The following SLC13A1 variants were observed in gnomAD, a reference collection of about 807,000 sequenced individuals.
SLC13A1 encodes the protein Na(+)/sulfate cotransporter.
SLC13A1 carries 65 observed loss-of-function variants against 70.0 expected under a neutral mutation model. The ratio of observed to expected loss-of-function variants is 0.93; its 90% confidence interval spans 0.76 to 1.14. The LOEUF (loss-of-function observed/expected upper bound fraction) is 1.14, where lower values mean the gene tolerates loss of function less well. Among genes scored for constraint, SLC13A1 ranks in the 50% most tolerant of loss-of-function variants. The pLI, the probability that SLC13A1 is intolerant of heterozygous loss-of-function variation, is 0.00. For missense variants in SLC13A1, 726 were observed against 717.8 expected (o/e 1.01, Z -0.13); for synonymous variants, 275 against 250.5 (o/e 1.10, Z -0.92).
At chr7:123,128,063 G>T (rs1202839714) in intron 10 of SLC13A1, among the ~76,000 whole-genome samples, 1 of 151,688 alleles carries the variant, frequency 6.6e-6, no homozygotes, top group Non-Finnish European at 1.5e-5. Flanking sequence ...TTGATTACTG[G>T]TATATAAGAC....
At chr7:123,186,481 C>T (rs1290270564) in intron 1 of SLC13A1, among the ~76,000 whole-genome samples, 1 of 152,082 alleles carries the variant, frequency 6.6e-6, no homozygotes, top group Non-Finnish European at 1.5e-5. Context: ...TCTTTGTCTC[C>T]TGTAAATTTC....
At chr7:123,138,879 T>C (rs1310281055) in intron 7 of SLC13A1, among the ~76,000 whole-genome samples, 1 of 152,152 alleles carries the variant, frequency 6.6e-6, no homozygotes, top group Non-Finnish European at 1.5e-5. Context: ...CTATTCATGT[T>C]GTTGATTGTT....
At chr7:123,156,719 T>G (rs1794728876) in intron 6 of SLC13A1, among the ~76,000 whole-genome samples, 1 of 152,164 alleles carries the variant, frequency 6.6e-6, no homozygotes. Flanking sequence ...CTGATCACAA[T>G]AGTTGATCCC....
intron 1 of SLC13A1, chr7:123,186,824 A>G (rs1368522783): frequency 2.3e-6 from 1 of 444,318 alleles, no homozygotes; most frequent in African/African-American, 2.0e-5. Context: ...TCTTAAACTG[A>G]ATGATAGCAA....
intron 6 of SLC13A1, among the ~76,000 whole-genome samples, chr7:123,165,018 A>G (rs945361925): frequency 3.2e-4 from 48 of 152,230 alleles, no homozygotes; most frequent in African/African-American, 1.1e-3. Context: ...AAGATTATGA[A>G]TATAAATATT....
intron 1 of SLC13A1, among the ~76,000 whole-genome samples, chr7:123,195,723 T>C (rs1796156867): frequency 6.6e-6 from 1 of 152,018 alleles, no homozygotes; most frequent in Non-Finnish European, 1.5e-5. Flanking sequence ...ATATAAAATA[T>C]TTTCTAGAGA....
At chr7:123,126,216 A>G (rs10487980) in intron 10 of SLC13A1, among the ~76,000 whole-genome samples, 42,378 of 152,114 alleles carry the variant, frequency 0.28, 5,947 homozygotes, top group East Asian at 0.31. Context: ...ATAAGCTCTA[A>G]CCATATCATA....
intron 7 of SLC13A1, among the ~76,000 whole-genome samples, chr7:123,136,244 G>T (rs1006613551): frequency 3.3e-5 from 5 of 152,168 alleles, no homozygotes; most frequent in African/African-American, 1.2e-4. Context: ...GGGCTTTTCA[G>T]AATTTTTGCC....
At position 123,129,412 on chromosome 7, in the gene SLC13A1, C is replaced by T; in HGVS notation, c.1002G>A (p.Lys334=). Residue 334 remains lysine, a synonymous_variant, in exon 9 of 15, where the codon AAG becomes AAA. Transcript: ENST00000194130. ...TTGGCCCAAGCTTTTGGTATTCTTGCTTAATCACCTCAGCACAAGCTTTTT... is the reference window on the plus strand; with the variant it reads ...TTGGCCCAAGCTTTTGGTATTCTTGTTTAATCACCTCAGCACAAGCTTTTT... ...VQQKACAEVI[K]QEYQKLGPIR... The T allele has an allele frequency of 6.3e-7, 1 of 1,596,184 alleles. No homozygotes were observed. Among genetic ancestry groups the T allele is most frequent in the East Asian group, 2.3e-5 (1 of 44,288 alleles).
At chr7:123,193,085 A>G (rs1413496721) in intron 1 of SLC13A1, among the ~76,000 whole-genome samples, 1 of 152,140 alleles carries the variant, frequency 6.6e-6, no homozygotes, top group Non-Finnish European at 1.5e-5. Flanking sequence ...GGAAAAAGGT[A>G]CAGAAATAAT....
At chr7:123,161,967 A>G (rs1195585440) in intron 6 of SLC13A1, among the ~76,000 whole-genome samples, 8 of 151,756 alleles carry the variant, frequency 5.3e-5, no homozygotes, top group African/African-American at 1.9e-4. Flanking sequence ...ACAGGCATAT[A>G]TGCATGAAAT....
intron 6 of SLC13A1, among the ~76,000 whole-genome samples, chr7:123,147,609 G>A (rs1054233059): frequency 2.0e-5 from 3 of 152,046 alleles, no homozygotes; most frequent in African/African-American, 7.2e-5. Context: ...AATGCCAGGA[G>A]AGAGCCCTCA....
chr7:123,136,503 C>A (rs1199735044), intron 7 of SLC13A1, among the ~76,000 whole-genome samples: 1 of 152,162 alleles, frequency 6.6e-6, no homozygotes, highest in Admixed American at 6.5e-5. Context: ...AGTGAAGAGA[C>A]TTCAAACATG....
In SLC13A1 at chr7:123,166,543, C is replaced by A. The variant is rs182731114; in HGVS notation, c.660+1831G>T. 6.1e-3 allele frequency among the ~76,000 whole-genome samples: 921 copies of A among 151,986 alleles called. 7 individuals carry two copies. The highest frequency in any genetic ancestry group is 0.021 in the African/African-American group (860 of 41,308). On this transcript the variant is annotated intron_variant, in intron 6 of 14. Coordinates refer to ENST00000194130, the MANE Select transcript of SLC13A1 (RefSeq NM_022444.4). ...ATATCTCCTAATGCTATCCGTCCCC[C>A]CTTCCCCCACCACACAACAGGCCCC...
chr7:123,191,074 G>C (rs1008921242), intron 1 of SLC13A1, among the ~76,000 whole-genome samples: 1 of 151,746 alleles, frequency 6.6e-6, no homozygotes, highest in Non-Finnish European at 1.5e-5. Flanking sequence ...CTTTATTCTT[G>C]TGTTTTCTTC....
Position 123,119,216 on chromosome 7 carries a change from T to A in SLC13A1, c.1377A>T (p.Gly459=). Residue 459 remains glycine (G), a synonymous_variant, in exon 13 of 15, where the codon GGA becomes GGT. Coordinates refer to ENST00000194130, the MANE Select transcript of SLC13A1 (RefSeq NM_022444.4). ...ATGAACCCAGAGGAGATAATTTATT[T>A]CCTATCCACTTAGATAATCCAGACT... The part of the protein sequence containing the change: ...CEESGLSKWI[G]NKLSPLGSLP... The A allele has an allele frequency of 1.2e-6, 2 of 1,610,664 alleles. No homozygotes were observed. The highest frequency in any genetic ancestry group is 1.7e-6 in the Non-Finnish European group (2 of 1,178,088).
rs1793873836 is a variant in SLC13A1 at position 123,134,290 on chromosome 7, A to G, written c.932+120T>C. On this transcript the variant is annotated intron_variant, in intron 8 of 14. Transcript: ENST00000194130. Reference sequence around the variant, plus strand: ...CGTATTTGTGTGTATTAATTTTGTGAGCAACAAAAATGCAGAAAGGTAGCC... The same window carrying G: ...CGTATTTGTGTGTATTAATTTTGTGGGCAACAAAAATGCAGAAAGGTAGCC... The G allele has an allele frequency of 1.4e-5, 12 of 832,090 alleles. No individual in the cohort carries two copies. The South Asian group carries it at 2.2e-4, about 16-fold the overall frequency. The allele number at this position is 832,090 out of a possible 1,614,324, so 51.5% of individuals were successfully genotyped here.
chr7:123,175,109 C>G (rs1322645108), intron 2 of SLC13A1, among the ~76,000 whole-genome samples: 1 of 151,856 alleles, frequency 6.6e-6, no homozygotes, highest in African/African-American at 2.4e-5. Flanking sequence ...TAGCACATGC[C>G]TGGCACAAAC....
At chr7:123,124,443 C>T (rs1214676370) in intron 11 of SLC13A1, among the ~76,000 whole-genome samples, 1 of 152,142 alleles carries the variant, frequency 6.6e-6, no homozygotes, top group African/African-American at 2.4e-5. Flanking sequence ...TCACATATGT[C>T]CTGGAAATCT....
Sources: gnomAD v4.1 joint callset for allele counts (sites outside exome capture counted in the v4.1 genomes callset) on GRCh38, gnomAD v4.1.1 for gene constraint, MANE v1.5 for transcripts, NCBI Gene and HGNC (gene_info 2026-07-23, HGNC 2026-07-21) for gene names.